The following QKI variants were observed in gnomAD, a reference collection of about 807,000 sequenced individuals.
The protein encoded by QKI is QKI, KH domain containing RNA binding.
A neutral mutation model predicts 39.0 loss-of-function variants in QKI; 10 were observed. The observed-to-expected ratio is 0.26, with a 90% confidence interval of 0.16 to 0.43. The LOEUF is 0.43. QKI is among the 20% of genes least tolerant of loss of function. The pLI is 1.00. For synonymous variants in QKI, 204 were observed against 155.4 expected (o/e 1.31, Z -2.33); for missense variants, 218 against 428.0 (o/e 0.51, Z 4.33).
chr6:163,527,768 AGTT>A (rs1413668039), intron 3 of QKI, among the ~76,000 whole-genome samples: 3 of 152,308 alleles, frequency 2.0e-5, no homozygotes, highest in Non-Finnish European at 2.9e-5. Flanking sequence ...ATGAAATGGA[AGTT>A]GTTTTATTGA....
chr6:163,498,450 A>T (rs946992107), intron 3 of QKI, among the ~76,000 whole-genome samples: 1 of 152,132 alleles, frequency 6.6e-6, no homozygotes, highest in Admixed American at 6.5e-5. Context: ...AAACAGTACA[A>T]AGCTCTCCTA....
At chr6:163,556,210 C>T (rs1026809675) in intron 4 of QKI, among the ~76,000 whole-genome samples, 44 of 152,110 alleles carry the variant, frequency 2.9e-4, no homozygotes, top group Admixed American at 5.9e-4. Flanking sequence ...TTTAACATAG[C>T]TGTTAAACAT....
At chr6:163,439,309 G>A (rs1443674877) in intron 1 of QKI, among the ~76,000 whole-genome samples, 3 of 147,188 alleles carry the variant, frequency 2.0e-5, no homozygotes, top group Non-Finnish European at 4.5e-5. Context: ...CAGAATTTTC[G>A]CTCTAGAATA....
At chr6:163,470,600 A>G (rs146009820) in intron 2 of QKI, among the ~76,000 whole-genome samples, 11 of 152,326 alleles carry the variant, frequency 7.2e-5, no homozygotes, top group African/African-American at 1.7e-4. Context: ...GAAAAACAAT[A>G]CAAAATCCAC....
rs1049258839 is a variant in QKI at position 163,574,040 on chromosome 6, G to GT, written c.*3331dup. ...CGGGGCGGGTGTGGGTGTAGGTGCA[G>GT]TAGAGATGGGAACAAAGTAGCCTTT... On this transcript the variant is annotated 3_prime_UTR_variant, in exon 8 of 8. Transcript: ENST00000361752. 6.6e-6 allele frequency: 1 copy of GT among 152,180 alleles called. No homozygotes were observed. Among genetic ancestry groups the GT allele is most frequent in the Non-Finnish European group, 1.5e-5 (1 of 68,064 alleles). The allele number at this position is 152,180 out of a possible 1,614,324, so 9.4% of individuals were successfully genotyped here.
chr6:163,465,891 A>C (rs1199889440), intron 2 of QKI, among the ~76,000 whole-genome samples: 1 of 151,998 alleles, frequency 6.6e-6, no homozygotes, highest in Non-Finnish European at 1.5e-5. Flanking sequence ...TGGGAGGCCG[A>C]AGCGGGCGGA....
chr6:163,474,098 A>G (rs1236652879), intron 2 of QKI, among the ~76,000 whole-genome samples: 1 of 152,202 alleles, frequency 6.6e-6, no homozygotes, highest in African/African-American at 2.4e-5. Context: ...TGTTGTTTTA[A>G]TAGATAGTGA....
At chr6:163,469,466 A>G (rs549218816) in intron 2 of QKI, among the ~76,000 whole-genome samples, 31 of 152,334 alleles carry the variant, frequency 2.0e-4, no homozygotes, top group Non-Finnish European at 4.0e-4. Context: ...TACAACTATT[A>G]TTGAAGAGTA....
In QKI at chr6:163,565,378, CTTTCAGCGCAAGATCTCCCTGA is replaced by C. The variant is rs1352062938; in HGVS notation, c.935-1339_935-1318del. Reference sequence around the variant, plus strand: ...TTAGCCACCAGCTGCTGTTCCAGCACTTTCAGCGCAAGATCTCCCTGATTTTGCCACGTGGAATTGTACTTGT... The same window carrying C: ...TTAGCCACCAGCTGCTGTTCCAGCACTTTTGCCACGTGGAATTGTACTTGT... On this transcript the variant is annotated intron_variant, in intron 6 of 7. Coordinates refer to ENST00000361752, the MANE Select transcript of QKI (RefSeq NM_006775.3). 33 of 986,262 alleles carry C rather than the reference CTTTCAGCGCAAGATCTCCCTGA, an allele frequency of 3.3e-5. No individual in the cohort carries two copies. The South Asian group carries it at 1.3e-3, about 38-fold the overall frequency. The allele number at this position is 986,262 out of a possible 1,614,324, so 61.1% of individuals were successfully genotyped here.
chr6:163,435,600 A>C (rs928609664), intron 1 of QKI, among the ~76,000 whole-genome samples: 2 of 152,208 alleles, frequency 1.3e-5, no homozygotes, highest in African/African-American at 4.8e-5. Context: ...TAAGTTTTAT[A>C]CATTAAAGCC....
intron 3 of QKI, among the ~76,000 whole-genome samples, chr6:163,489,008 T>G (rs1279821347): frequency 1.3e-5 from 2 of 149,594 alleles, no homozygotes; most frequent in Non-Finnish European, 1.5e-5. Flanking sequence ...AACAGTTATG[T>G]AACAGTTTTG....
chr6:163,572,924 T>G lies in QKI; in HGVS notation c.*2214T>G, dbSNP rs1783788905. 6.6e-6 allele frequency: 1 copy of G among 152,126 alleles called. No homozygotes were observed. Among genetic ancestry groups the G allele is most frequent in the Non-Finnish European group, 1.5e-5 (1 of 68,030 alleles). The allele number at this position is 152,126 out of a possible 1,614,324, so 9.4% of individuals were successfully genotyped here. A position where few individuals can be genotyped will look rare whatever the true frequency, so the allele number is the denominator to read the frequency against. Reference sequence around the variant, plus strand: ...ACAGTTTTGATTTATTTACAATATATGCTGTGCCATTTTGATTTTTATATT... The same window carrying G: ...ACAGTTTTGATTTATTTACAATATAGGCTGTGCCATTTTGATTTTTATATT... On this transcript the variant is annotated 3_prime_UTR_variant, in exon 8 of 8. Transcript: ENST00000361752.
At chr6:163,569,923 C>T in intron 7 of QKI, 2 of 986,868 alleles carry the variant, frequency 2.0e-6, no homozygotes, top group Non-Finnish European at 2.4e-6. Flanking sequence ...ACAGTGTTTA[C>T]ATGCAAGTGC....
At chr6:163,437,018 A>C (rs945430943) in intron 1 of QKI, among the ~76,000 whole-genome samples, 2 of 152,174 alleles carry the variant, frequency 1.3e-5, no homozygotes, top group African/African-American at 2.4e-5. Context: ...AGTTCAAAAT[A>C]AATCAACTCT....
intron 3 of QKI, among the ~76,000 whole-genome samples, chr6:163,481,659 A>G (rs1360294998): frequency 6.6e-6 from 1 of 152,198 alleles, no homozygotes. Context: ...TTAATATGCC[A>G]CTTTAGTTTT....
At chr6:163,569,633 T>G in intron 7 of QKI, 1 of 1,002,216 alleles carries the variant, frequency 1.0e-6, no homozygotes, top group Non-Finnish European at 1.2e-6. Flanking sequence ...TGAGAACTAC[T>G]TTATGTTTTA....
At chr6:163,534,348 T>C (rs532740067) in intron 3 of QKI, among the ~76,000 whole-genome samples, 1 of 152,114 alleles carries the variant, frequency 6.6e-6, no homozygotes, top group South Asian at 2.1e-4. Flanking sequence ...ACTATTTTCA[T>C]AATTACCGCA....
chr6:163,421,881 A>G (rs1788020215), intron 1 of QKI, among the ~76,000 whole-genome samples: 2 of 151,702 alleles, frequency 1.3e-5, no homozygotes, highest in African/African-American at 2.4e-5. Flanking sequence ...AGTAGCTGGG[A>G]TTACAGGCGC....
intron 1 of QKI, among the ~76,000 whole-genome samples, chr6:163,420,317 CATTTGTTTGATTT>C (rs1323517207): frequency 6.6e-6 from 1 of 151,442 alleles, no homozygotes; most frequent in Non-Finnish European, 1.5e-5. Context: ...GTAGCTAATA[CATTTGTTTGATTT>C]ATTTGTTTGA....
Sources: allele counts gnomAD v4.1 joint callset (sites outside exome capture counted in the v4.1 genomes callset), GRCh38; gene constraint gnomAD v4.1.1; transcripts MANE v1.5; gene names NCBI Gene and HGNC (gene_info 2026-07-23, HGNC 2026-07-21).